CDKN2AIP: variants seen among roughly 807,000 people sequenced by gnomAD.
The protein encoded by CDKN2AIP is CDKN2A interacting protein.
CDKN2AIP carries 12 observed loss-of-function variants against 44.1 expected under a neutral mutation model. The ratio of observed to expected loss-of-function variants is 0.27; its 90% CI spans 0.17 to 0.44. CDKN2AIP has a LOEUF of 0.44. Among genes scored for constraint, CDKN2AIP ranks in the 20% least tolerant of loss-of-function variants. CDKN2AIP has a pLI of 1.00. For missense variants in CDKN2AIP, 705 were observed against 681.6 expected (o/e 1.03, Z -0.38); for synonymous variants, 291 against 272.1 (o/e 1.07, Z -0.68).
In CDKN2AIP at chr4:183,446,208, G is replaced by A. The variant is rs772933113; in HGVS notation, c.524G>A (p.Ser175Asn). Reference sequence around the variant, plus strand: ...CGTGCATCAGCTCAGCAGGAAAACAGTTCAACGTGTATAGGGTCGGCCATC... The same window carrying A: ...CGTGCATCAGCTCAGCAGGAAAACAATTCAACGTGTATAGGGTCGGCCATC... ...TERASAQQEN[S>N]STCIGSAIKS... Residue 175 changes from serine to asparagine, a missense_variant, in exon 3 of 3, where the codon AGT (serine) becomes AAT (asparagine). Ser to Asn is a conservative substitution (Grantham distance 46, BLOSUM62 1). Transcript: ENST00000504169. The A allele has an allele frequency of 9.7e-5, 157 of 1,614,082 alleles. No individual in the cohort carries two copies. The highest frequency in any genetic ancestry group is 1.3e-4 in the Non-Finnish European group (156 of 1,180,030).
In CDKN2AIP at chr4:183,448,155, T is replaced by G. The variant is rs184795569; in HGVS notation, c.*728T>G. The G allele has an allele frequency of 6.6e-6, 1 of 152,350 alleles. No individual in the cohort carries two copies. Among genetic ancestry groups the G allele is most frequent in the Non-Finnish European group, 1.5e-5 (1 of 68,014 alleles). 9.4% of individuals were successfully genotyped at this position (152,350 alleles called of 1,614,324 possible). A position where few individuals can be genotyped will look rare whatever the true frequency, so the allele number is the denominator to read the frequency against. On this transcript the variant is annotated 3_prime_UTR_variant, in exon 3 of 3. Coordinates refer to ENST00000504169, the MANE Select transcript of CDKN2AIP (RefSeq NM_017632.4). ...TGTGACTACTATTAACAGATTGATT[T>G]GTTTAGATATTAAATGCTTTAAGCT... is the stretch of plus-strand genomic sequence containing the variant.
Position 183,447,666 on chromosome 4 carries a change from TACTG to T in CDKN2AIP, c.*240_*243del, listed in dbSNP as rs1235434368. On this transcript the variant is annotated 3_prime_UTR_variant, in exon 3 of 3. Transcript: ENST00000504169. The stretch of plus-strand genomic sequence containing the variant: ...ATGCTGTTTTATTTGCTGAAGAAAA[TACTG>T]TCTTCTATTTTTAATGATACATTAG... 3 of 322,102 alleles carry T rather than the reference TACTG, an allele frequency of 9.3e-6. No homozygotes were observed. In the Admixed American group the frequency reaches 1.3e-4, roughly 14 times the overall value. 20.0% of individuals were successfully genotyped at this position (322,102 alleles called of 1,614,324 possible). A position where few individuals can be genotyped will look rare whatever the true frequency, so the allele number is the denominator to read the frequency against.
At chr4:183,446,035 C>G in intron 2 of CDKN2AIP, 53 bp from the exon 3 acceptor site, 2 of 1,399,900 alleles carry the variant, frequency 1.4e-6, no homozygotes, top group Non-Finnish European at 2.0e-6. Flanking sequence ...GTCTCATCAC[C>G]CGTTTTGTAC....
In CDKN2AIP at chr4:183,447,406, A is replaced by G; in HGVS notation, c.1722A>G (p.Lys574=). The G allele has an allele frequency of 6.5e-7, 1 of 1,539,182 alleles. No individual in the cohort carries two copies. Among genetic ancestry groups the G allele is most frequent in the African/African-American group, 1.4e-5 (1 of 72,114 alleles). The change falls in exon 3 of 3, where the codon AAA becomes AAG. Residue 574 remains lysine, a synonymous_variant. Coordinates refer to ENST00000504169, the MANE Select transcript of CDKN2AIP (RefSeq NM_017632.4). The part of the protein sequence containing the change: ...SRPVNLPPAL[K]HPQELL ...CTGTAAACTTACCTCCAGCACTAAA[A>G]CATCCTCAAGAATTACTATAATGTG...
rs759531881 is a variant in CDKN2AIP at position 183,446,214 on chromosome 4, C to T, written c.530C>T (p.Thr177Met). The change falls in exon 3 of 3, where the codon ACG (threonine) becomes ATG (methionine). Residue 177 changes from threonine (T) to methionine (M), a missense_variant. Around this residue, in one of 2 missense-constraint regions of CDKN2AIP, gnomAD observed 592 missense variants for 518.0 expected, o/e 1.14. Transcript: ENST00000504169. Reference protein sequence around the residue: ...RASAQQENSSTCIGSAIKSES... With the variant: ...RASAQQENSSMCIGSAIKSES... ...TCAGCTCAGCAGGAAAACAGTTCAACGTGTATAGGGTCGGCCATCAAATCA... is the reference window on the plus strand; with the variant it reads ...TCAGCTCAGCAGGAAAACAGTTCAATGTGTATAGGGTCGGCCATCAAATCA... 11 of 1,614,136 alleles carry T rather than the reference C, an allele frequency of 6.8e-6. No individual in the cohort carries two copies. The highest frequency in any genetic ancestry group is 9.3e-6 in the Non-Finnish European group (11 of 1,179,990).
intron 2 of CDKN2AIP, 51 bp downstream of exon 2, chr4:183,445,716 G>A: frequency 6.9e-7 from 1 of 1,454,910 alleles, no homozygotes; most frequent in Non-Finnish European, 9.5e-7. Context: ...GCATAAGTTT[G>A]ATATAATTAG....
chr4:183,446,610 A>C lies in CDKN2AIP; in HGVS notation c.926A>C (p.Lys309Thr). 2 of 1,614,128 alleles carry C rather than the reference A, an allele frequency of 1.2e-6. No homozygotes were observed. The highest frequency in any genetic ancestry group is 1.7e-6 in the Non-Finnish European group (2 of 1,179,954). The change falls in exon 3 of 3, where the codon AAA becomes ACA. Residue 309 changes from lysine to threonine, a missense_variant. By Grantham distance (78) the Lys-to-Thr change is moderately conservative. Around this residue, in one of 2 missense-constraint regions of CDKN2AIP, gnomAD observed 592 missense variants for 518.0 expected, o/e 1.14. Coordinates refer to ENST00000504169, the MANE Select transcript of CDKN2AIP (RefSeq NM_017632.4). The part of the protein sequence containing the change: ...SEVELPLLSS[K>T]PSSETASSGL... ...GTAGAATTGCCACTATTGTCTTCCA[A>C]ACCTAGTTCAGAGACAGCTTCAAGT...
intron 1 of CDKN2AIP, 157 bp downstream of exon 1, chr4:183,445,226 G>A (rs2111224785): frequency 1.2e-6 from 1 of 858,650 alleles, no homozygotes; most frequent in Non-Finnish European, 1.7e-6. Context: ...GGAGAAGGGC[G>A]TCCCTGCGAG....
chr4:183,446,956 C>T lies in CDKN2AIP; in HGVS notation c.1272C>T (p.Phe424=), dbSNP rs138463372. Residue 424 remains phenylalanine (F), a synonymous_variant, in exon 3 of 3, where the codon TTC becomes TTT. Coordinates refer to ENST00000504169, the MANE Select transcript of CDKN2AIP (RefSeq NM_017632.4). ...TSQSSESSVK[F]SCKLTNEDVK... ...AGTCAAGTGAGAGTTCTGTCAAATT[C>T]TCTTGCAAGTTAACCAATGAAGATG... 2.5e-6 allele frequency: 4 copies of T among 1,614,088 alleles called. No homozygotes were observed. Among genetic ancestry groups the T allele is most frequent in the Admixed American group, 1.7e-5 (1 of 60,012 alleles).
chr4:183,444,716 C>T lies in CDKN2AIP; in HGVS notation c.-82C>T, dbSNP rs1733619772. 1.5e-6 allele frequency: 2 copies of T among 1,373,258 alleles called. No homozygotes were observed. Among genetic ancestry groups the T allele is most frequent in the Non-Finnish European group, 9.6e-7 (1 of 1,038,456 alleles). The allele number at this position is 1,373,258 out of a possible 1,614,324, so 85.1% of individuals were successfully genotyped here. On this transcript the variant is annotated 5_prime_UTR_variant, in exon 1 of 3. Coordinates refer to ENST00000504169, the MANE Select transcript of CDKN2AIP (RefSeq NM_017632.4). Reference sequence around the variant, plus strand: ...GGCGTTATCTGGAGGGCCGCGGGTGCAGGCCGCAGTGACAGGGCCGCTCGC... The same window carrying T: ...GGCGTTATCTGGAGGGCCGCGGGTGTAGGCCGCAGTGACAGGGCCGCTCGC...
At chr4:183,445,445 C>T (rs1354045806) in intron 1 of CDKN2AIP, 90 bp from the exon 2 acceptor site, 1 of 1,007,808 alleles carries the variant, frequency 9.9e-7, no homozygotes, top group Admixed American at 2.2e-5. Context: ...TTGATTGCAG[C>T]CAGGAAATGC....
rs1464708743 is a variant in CDKN2AIP at position 183,446,748 on chromosome 4, C to T, written c.1064C>T (p.Thr355Ile). The change falls in exon 3 of 3, where the codon ACA (threonine) becomes ATA (isoleucine). Residue 355 changes from threonine to isoleucine, a missense_variant. Coordinates refer to ENST00000504169, the MANE Select transcript of CDKN2AIP (RefSeq NM_017632.4). ...CCCAAGAGCAGCTCTTCAACAAATA[C>T]ATCGCTGCTAACTTCCAAGAGCACT... ...LTPKSSSSTN[T>I]SLLTSKSTSQ... 2 of 1,613,876 alleles carry T rather than the reference C, an allele frequency of 1.2e-6. No individual in the cohort carries two copies. Among genetic ancestry groups the T allele is most frequent in the East Asian group, 2.2e-5 (1 of 44,894 alleles).
At chr4:183,445,173 T>C in intron 1 of CDKN2AIP, 104 bp downstream of exon 1, 1 of 1,406,200 alleles carries the variant, frequency 7.1e-7, no homozygotes, top group Non-Finnish European at 9.6e-7. Flanking sequence ...GGAGGGGAAG[T>C]TGTGAAGCGC....
In CDKN2AIP at chr4:183,445,055, C is replaced by T. The variant is rs755906380; in HGVS notation, c.258C>T (p.Val86=). The change falls in exon 1 of 3, where the codon GTC becomes GTT. Residue 86 remains valine (V), a synonymous_variant. Transcript: ENST00000504169. The part of the protein sequence containing the change: ...ISFSMAWANH[V]FLGCRYPQKV... Reference sequence around the variant, plus strand: ...TTTCCATGGCCTGGGCGAACCACGTCTTCCTCGGGTGCCGGTGAGTGAGGC... The same window carrying T: ...TTTCCATGGCCTGGGCGAACCACGTTTTCCTCGGGTGCCGGTGAGTGAGGC... The T allele has an allele frequency of 6.3e-6, 10 of 1,585,072 alleles. No homozygotes were observed. The highest frequency in any genetic ancestry group is 1.7e-5 in the Admixed American group (1 of 58,838).
Position 183,447,560 on chromosome 4 carries a change from GTT to G in CDKN2AIP, c.*134_*135del. 3 of 620,944 alleles carry G rather than the reference GTT, an allele frequency of 4.8e-6. No individual in the cohort carries two copies. In the East Asian group the frequency reaches 8.2e-5, roughly 17 times the overall value. The allele number at this position is 620,944 out of a possible 1,614,324, so 38.5% of individuals were successfully genotyped here. A position where few individuals can be genotyped will look rare whatever the true frequency, so the allele number is the denominator to read the frequency against. ...AGTTTTGCAGAAAATTTACATTCTA[GTT>G]CTCTTCACACAGTAGCAGTTGTAAA... On this transcript the variant is annotated 3_prime_UTR_variant, in exon 3 of 3. Coordinates refer to ENST00000504169, the MANE Select transcript of CDKN2AIP (RefSeq NM_017632.4).
In CDKN2AIP at chr4:183,447,442, C is replaced by T; in HGVS notation, c.*15C>T. 2.0e-6 allele frequency: 3 copies of T among 1,488,078 alleles called. No individual in the cohort carries two copies. The highest frequency in any genetic ancestry group is 2.7e-6 in the Non-Finnish European group (3 of 1,114,170). The allele number at this position is 1,488,078 out of a possible 1,614,324, so 92.2% of individuals were successfully genotyped here. Reference sequence around the variant, plus strand: ...AATTACTATAATGTGTCCAAAATATCACTGCATACAATATCTGGTATTTGA... The same window carrying T: ...AATTACTATAATGTGTCCAAAATATTACTGCATACAATATCTGGTATTTGA... On this transcript the variant is annotated 3_prime_UTR_variant, in exon 3 of 3. Transcript: ENST00000504169.
intron 1 of CDKN2AIP, 137 bp from the exon 2 acceptor site, chr4:183,445,398 G>C: frequency 1.4e-6 from 1 of 712,694 alleles, no homozygotes; most frequent in Admixed American, 2.7e-5. Context: ...TGTTTATGGG[G>C]TTCCAGGAAA....
At position 183,447,262 on chromosome 4, in the gene CDKN2AIP, T is replaced by A; in HGVS notation, c.1578T>A (p.Val526=). 1 of 1,612,394 alleles carries A rather than the reference T, an allele frequency of 6.2e-7. No individual in the cohort carries two copies. The highest frequency in any genetic ancestry group is 8.5e-7 in the Non-Finnish European group (1 of 1,179,580). The part of the protein sequence containing the change: ...CGKSKENAKA[V]ASREALKLFL... The stretch of plus-strand genomic sequence containing the variant: ...AAAGCAAAGAAAATGCAAAAGCAGT[T>A]GCATCAAGAGAAGCATTGAAGTTAT... The change falls in exon 3 of 3, where the codon GTT becomes GTA. Residue 526 remains valine (V), a synonymous_variant. Coordinates refer to ENST00000504169, the MANE Select transcript of CDKN2AIP (RefSeq NM_017632.4).
At chr4:183,445,138 C>A in intron 1 of CDKN2AIP, 69 bp downstream of exon 1, 2 of 1,502,122 alleles carry the variant, frequency 1.3e-6, no homozygotes, top group South Asian at 1.3e-5. Context: ...GGGCCCGGCG[C>A]CCTCCGCGGG....
Sources: allele counts gnomAD v4.1 joint callset, GRCh38; gene constraint gnomAD v4.1.1; regional missense constraint gnomAD v4.1.1; transcripts MANE v1.5; gene names NCBI Gene and HGNC (gene_info 2026-07-23, HGNC 2026-07-21).